The following SCAF8 variants were observed in gnomAD, a reference collection of about 807,000 sequenced individuals.
SCAF8 encodes the protein SR-related and CTD-associated factor 8.
In SCAF8, 23 loss-of-function variants were observed where a neutral mutation model predicts 140.5. That is an observed-to-expected ratio of 0.16 (90% confidence interval 0.12 to 0.23). The LOEUF (loss-of-function observed/expected upper bound fraction) is 0.23, where lower values mean the gene tolerates loss of function less well. SCAF8 is among the 10% of genes least tolerant of loss of function. The pLI, the probability that SCAF8 is intolerant of heterozygous loss-of-function variation, is 1.00. For synonymous variants in SCAF8, 575 were observed against 528.9 expected (o/e 1.09, Z -1.20); for missense variants, 1,397 against 1,555.7 (o/e 0.90, Z 1.72).
chr6:154,810,998 A>C (rs1341851623), intron 12 of SCAF8, among the ~76,000 whole-genome samples: 1 of 152,214 alleles, frequency 6.6e-6, no homozygotes, highest in African/African-American at 2.4e-5. Flanking sequence ...AATTTGTGCT[A>C]CTAGAGCGTC....
At chr6:154,826,454 A>G (rs1441025533) in intron 17 of SCAF8, among the ~76,000 whole-genome samples, 1 of 152,214 alleles carries the variant, frequency 6.6e-6, no homozygotes, top group East Asian at 1.9e-4. Flanking sequence ...GGATTGTGAG[A>G]GGAGGAACAA....
intron 1 of SCAF8, among the ~76,000 whole-genome samples, chr6:154,768,915 T>C (rs966742323): frequency 1.3e-5 from 2 of 151,980 alleles, no homozygotes; most frequent in African/African-American, 2.4e-5. Context: ...ATACAAAAAT[T>C]AGCCCAGTGT....
intron 2 of SCAF8, among the ~76,000 whole-genome samples, chr6:154,777,280 T>G (rs1776944500): frequency 6.6e-6 from 1 of 152,218 alleles, no homozygotes; most frequent in African/African-American, 2.4e-5. Flanking sequence ...CATTAAAATT[T>G]ATTAGGCACA....
chr6:154,801,895 A>G, intron 6 of SCAF8, 76 bp from the exon 7 acceptor site: 1 of 916,132 alleles, frequency 1.1e-6, no homozygotes, highest in Non-Finnish European at 1.6e-6. Context: ...AATTTTACTG[A>G]CTAAAAGTTT....
chr6:154,825,647 C>A (rs1163535333), intron 17 of SCAF8, among the ~76,000 whole-genome samples: 1 of 107,458 alleles, frequency 9.3e-6, no homozygotes, highest in Non-Finnish European at 1.7e-5. Flanking sequence ...CAGAGTGAGA[C>A]CTTGTCTCAA....
At chr6:154,819,336 C>T (rs985721471) in intron 14 of SCAF8, among the ~76,000 whole-genome samples, 19 of 152,274 alleles carry the variant, frequency 1.2e-4, no homozygotes, top group African/African-American at 4.1e-4. Context: ...CCTGCAGTCC[C>T]AGCACTTTGG....
chr6:154,792,583 C>T (rs746601114), intron 4 of SCAF8, among the ~76,000 whole-genome samples: 27 of 152,118 alleles, frequency 1.8e-4, no homozygotes, highest in Admixed American at 3.3e-4. Flanking sequence ...ATGTCATCTC[C>T]GCCTTCAGCT....
chr6:154,748,506 C>A (rs746298968), intron 1 of SCAF8, among the ~76,000 whole-genome samples: 3 of 151,440 alleles, frequency 2.0e-5, no homozygotes, highest in Admixed American at 6.6e-5. Flanking sequence ...TAAAAATTGT[C>A]GAGATGAATT....
chr6:154,832,713 C>A lies in SCAF8; in HGVS notation c.3134C>A (p.Pro1045Gln), dbSNP rs780389539. The A allele has an allele frequency of 6.2e-7, 1 of 1,613,866 alleles. No individual in the cohort carries two copies. Among genetic ancestry groups the A allele is most frequent in the Non-Finnish European group, 8.5e-7 (1 of 1,179,952 alleles). ...GATGTGGTTGGGCGGCCTATAGATC[C>A]AAGAGAAGGTCCTGGACGGCCTCCA... ...VRDVVGRPID[P>Q]REGPGRPPLD... Residue 1045 changes from proline to glutamine, a missense_variant, in exon 20 of 20, where the codon CCA (proline) becomes CAA (glutamine). By Grantham distance (76) the Pro-to-Gln change is moderately conservative. Transcript: ENST00000367178.
chr6:154,746,147 A>T (rs1441357570), intron 1 of SCAF8, among the ~76,000 whole-genome samples: 2 of 152,158 alleles, frequency 1.3e-5, no homozygotes, highest in African/African-American at 2.4e-5. Flanking sequence ...TGGCCTCCCA[A>T]AGTGCTGGGA....
At chr6:154,809,210 T>C (rs1192400378) in intron 11 of SCAF8, among the ~76,000 whole-genome samples, 1 of 152,178 alleles carries the variant, frequency 6.6e-6, no homozygotes, top group Non-Finnish European at 1.5e-5. Context: ...TTAACTGTAA[T>C]ACCAAACCGT....
At chr6:154,825,355 A>C (rs2114684567) in intron 17 of SCAF8, 1 of 152,256 alleles carries the variant, frequency 6.6e-6, no homozygotes, top group South Asian at 2.1e-4. Flanking sequence ...AGATTACTTA[A>C]ACACAACTTA....
Position 154,744,872 on chromosome 6 carries a change from A to G in SCAF8, c.30+10942A>G, listed in dbSNP as rs566713861. Among the ~76,000 whole-genome samples the G allele has an allele frequency of 1.1e-4, 16 of 152,342 alleles. No individual in the cohort carries two copies. The South Asian group carries it at 2.5e-3, about 24-fold the overall frequency. ...TTGCTTTCTTACTGTCTCTTCACAT[A>G]CAAATGAACACATAATTTCTTTTCT... On this transcript the variant is annotated intron_variant, in intron 1 of 19. Transcript: ENST00000367178.
chr6:154,777,158 G>A (rs534853867), intron 2 of SCAF8, among the ~76,000 whole-genome samples: 128 of 152,086 alleles, frequency 8.4e-4, no homozygotes, highest in African/African-American at 3.1e-3. Context: ...ACCAGCCTGG[G>A]TGACAGAGTG....
chr6:154,833,202 G>A lies in SCAF8; in HGVS notation c.3623G>A (p.Gly1208Asp), dbSNP rs1399870305. 1.9e-6 allele frequency: 3 copies of A among 1,614,072 alleles called. No homozygotes were observed. Among genetic ancestry groups the A allele is most frequent in the Non-Finnish European group, 2.5e-6 (3 of 1,179,998 alleles). The stretch of plus-strand genomic sequence containing the variant: ...GAAGGGGCCACTTCTCAACGAAAAG[G>A]TGATAATGTGCCTCAGGTTAATGGT... ...YFEGATSQRK[G>D]DNVPQVNGEN... is the part of the protein sequence containing the mutation. The change falls in exon 20 of 20, where the codon GGT becomes GAT. Residue 1208 changes from glycine (G) to aspartate (D), a missense_variant. Around this residue, in one of 5 missense-constraint regions of SCAF8, gnomAD observed 930 missense variants for 874.6 expected, o/e 1.06. Transcript: ENST00000367178.
chr6:154,797,534 T>C (rs1777641048), intron 6 of SCAF8, among the ~76,000 whole-genome samples: 1 of 151,350 alleles, frequency 6.6e-6, no homozygotes, highest in Non-Finnish European at 1.5e-5. Flanking sequence ...TAGCTGGGAC[T>C]ATAGGCACCT....
At chr6:154,755,521 G>A (rs556125586) in intron 1 of SCAF8, among the ~76,000 whole-genome samples, 1 of 152,164 alleles carries the variant, frequency 6.6e-6, no homozygotes, top group African/African-American at 2.4e-5. Context: ...AAAGTGCTGG[G>A]ATGCCTGACC....
intron 18 of SCAF8, among the ~76,000 whole-genome samples, chr6:154,827,981 G>T (rs1330495680): frequency 6.6e-6 from 1 of 152,046 alleles, no homozygotes; most frequent in Non-Finnish European, 1.5e-5. Context: ...CACCAGAGTG[G>T]TACGTATATT....
chr6:154,819,395 G>T (rs1279362778), intron 14 of SCAF8, among the ~76,000 whole-genome samples: 2 of 151,724 alleles, frequency 1.3e-5, no homozygotes, highest in African/African-American at 4.8e-5. Flanking sequence ...CTTAAGAGCA[G>T]CCTGGACAAC....
Sources: allele counts gnomAD v4.1 joint callset (sites outside exome capture counted in the v4.1 genomes callset), GRCh38; gene constraint gnomAD v4.1.1; regional missense constraint gnomAD v4.1.1; transcripts MANE v1.5; gene names NCBI Gene and HGNC (gene_info 2026-07-23, HGNC 2026-07-21).